The following CFAP299 variants were observed in gnomAD, a reference collection of about 807,000 sequenced individuals.
CFAP299 encodes cilia- and flagella-associated protein 299.
In CFAP299, 21 loss-of-function variants were observed where a neutral mutation model predicts 27.0. That is an observed-to-expected ratio of 0.78 (90% CI 0.55 to 1.12). The LOEUF is 1.12. Ranked by LOEUF, CFAP299 falls within the 50% of genes most tolerant of loss-of-function variation. The pLI, the probability that CFAP299 is intolerant of heterozygous loss-of-function variation, is 0.00. For missense variants in CFAP299, 310 were observed against 276.6 expected, an observed-to-expected ratio of 1.12 and a Z score of -0.86; for synonymous variants, 104 against 98.1, an observed-to-expected ratio of 1.06 and a Z score of -0.36.
intron 3 of CFAP299, among the ~76,000 whole-genome samples, chr4:80,614,426 T>A (rs1738167254): frequency 6.6e-6 from 1 of 152,164 alleles, no homozygotes; most frequent in Non-Finnish European, 1.5e-5. Context: ...AAGGCACTTC[T>A]ATTGAAAAGG....
chr4:80,962,879 A>C (rs1738414753), intron 5 of CFAP299, among the ~76,000 whole-genome samples: 1 of 151,810 alleles, frequency 6.6e-6, no homozygotes, highest in Non-Finnish European at 1.5e-5. Context: ...CTTTACCTAA[A>C]CTTCTTTCTT....
intron 3 of CFAP299, among the ~76,000 whole-genome samples, chr4:80,774,836 A>G (rs956948567): frequency 2.0e-5 from 3 of 152,010 alleles, no homozygotes; most frequent in Non-Finnish European, 4.4e-5. Flanking sequence ...GCTTCTAAAT[A>G]TATATGGGCA....
At chr4:80,692,862 C>A (rs538851178) in intron 3 of CFAP299, among the ~76,000 whole-genome samples, 1 of 152,118 alleles carries the variant, frequency 6.6e-6, no homozygotes, top group South Asian at 2.1e-4. Context: ...AAAAAACAAA[C>A]AACCCCATCA....
intron 3 of CFAP299, among the ~76,000 whole-genome samples, chr4:80,603,930 C>T (rs1402609443): frequency 1.3e-5 from 2 of 152,082 alleles, no homozygotes; most frequent in Admixed American, 1.3e-4. Flanking sequence ...TTTCTGCATT[C>T]TCGCTCTTTA....
intron 3 of CFAP299, among the ~76,000 whole-genome samples, chr4:80,860,762 T>C (rs1422184794): frequency 2.0e-5 from 3 of 152,202 alleles, no homozygotes; most frequent in African/African-American, 7.2e-5. Context: ...TGATCGTTCC[T>C]CTGGAAGTTT....
At chr4:80,375,196 A>T (rs1411987217) in intron 2 of CFAP299, among the ~76,000 whole-genome samples, 1 of 152,212 alleles carries the variant, frequency 6.6e-6, no homozygotes, top group Non-Finnish European at 1.5e-5. Context: ...GACTCACCAG[A>T]AGATCGTGGT....
chr4:80,701,444 C>G (rs900963240), intron 3 of CFAP299, among the ~76,000 whole-genome samples: 1 of 151,884 alleles, frequency 6.6e-6, no homozygotes, highest in Non-Finnish European at 1.5e-5. Context: ...AGTGCTAAGA[C>G]TCTTTTGGCA....
At chr4:80,678,079 A>G (rs185202392) in intron 3 of CFAP299, among the ~76,000 whole-genome samples, 1 of 151,986 alleles carries the variant, frequency 6.6e-6, no homozygotes, top group African/African-American at 2.4e-5. Context: ...GTTGTAATAC[A>G]TTAGTAGATG....
In CFAP299 at chr4:80,448,005, T is replaced by C. The variant is rs141546371; in HGVS notation, c.242+85121T>C. On this transcript the variant is annotated intron_variant, in intron 2 of 5. Transcript: ENST00000358105. ...TTGTGGATCTGTGCAGCCTCACTCA[T>C]TGGCACTCCCACCACCATGTTTTAG... Among the ~76,000 whole-genome samples, 942 of 152,314 alleles carry C rather than the reference T, an allele frequency of 6.2e-3. 2 individuals carry two copies. Among genetic ancestry groups the C allele is most frequent in the Middle Eastern group, 0.024 (7 of 294 alleles).
intron 3 of CFAP299, chr4:80,608,458 A>G: frequency 1.3e-6 from 1 of 798,946 alleles, no homozygotes; most frequent in South Asian, 1.7e-5. Context: ...TATATACTCC[A>G]CTCCAAGGGC....
intron 2 of CFAP299, among the ~76,000 whole-genome samples, chr4:80,555,896 G>A (rs1391865613): frequency 6.6e-6 from 1 of 151,682 alleles, no homozygotes; most frequent in Non-Finnish European, 1.5e-5. Context: ...TACAAATTGT[G>A]GAGAAACTAG....
chr4:80,852,877 C>T (rs917265556), intron 3 of CFAP299, among the ~76,000 whole-genome samples: 15 of 152,138 alleles, frequency 9.9e-5, no homozygotes, highest in African/African-American at 3.6e-4. Flanking sequence ...ATCATCAATG[C>T]ATTCACTCAG....
chr4:80,866,059 T>TTATATATATATA (rs70956073), intron 3 of CFAP299, among the ~76,000 whole-genome samples: 2,460 of 58,018 alleles, frequency 0.042, 374 homozygotes, highest in Non-Finnish European at 0.075. Flanking sequence ...ACTTAAAGTA[T>TTATATATATATA]TATATATATA....
intron 2 of CFAP299, among the ~76,000 whole-genome samples, chr4:80,499,760 T>C (rs1731649928): frequency 6.6e-6 from 1 of 152,112 alleles, no homozygotes; most frequent in African/African-American, 2.4e-5. Context: ...TTCAATTTCC[T>C]CTTGATATTT....
chr4:80,832,460 G>A (rs1209206498), intron 3 of CFAP299, among the ~76,000 whole-genome samples: 1 of 152,086 alleles, frequency 6.6e-6, no homozygotes, highest in East Asian at 1.9e-4. Flanking sequence ...ATTAGCCATA[G>A]ACAATACCAT....
At chr4:80,824,748 T>G (rs898985497) in intron 3 of CFAP299, among the ~76,000 whole-genome samples, 4 of 151,974 alleles carry the variant, frequency 2.6e-5, no homozygotes, top group African/African-American at 9.7e-5. Flanking sequence ...CAATAAAAAA[T>G]GAAACATAAT....
chr4:80,930,403 T>C (rs1409130235), intron 4 of CFAP299, among the ~76,000 whole-genome samples: 1 of 152,200 alleles, frequency 6.6e-6, no homozygotes, highest in Admixed American at 6.5e-5. Flanking sequence ...ATGGGATTTC[T>C]AATTAATAGC....
At chr4:80,860,738 C>T (rs189575646) in intron 3 of CFAP299, among the ~76,000 whole-genome samples, 115 of 152,228 alleles carry the variant, frequency 7.6e-4, no homozygotes, top group African/African-American at 2.7e-3. Flanking sequence ...TCATGAACCG[C>T]GAATGTTGCT....
At chr4:80,453,053 G>A (rs535207623) in intron 2 of CFAP299, among the ~76,000 whole-genome samples, 1 of 152,188 alleles carries the variant, frequency 6.6e-6, no homozygotes, top group Non-Finnish European at 1.5e-5. Flanking sequence ...TTATTAACGT[G>A]CCTGACTTGG....
Sources: allele counts gnomAD v4.1 joint callset (sites outside exome capture counted in the v4.1 genomes callset), GRCh38; gene constraint gnomAD v4.1.1; transcripts MANE v1.5; gene names NCBI Gene and HGNC (gene_info 2026-07-23, HGNC 2026-07-21).